GSE1: variants seen among roughly 807,000 people sequenced by gnomAD.
GSE1 encodes the protein Gse1 coiled-coil protein.
A neutral mutation model predicts 112.6 loss-of-function variants in GSE1; 32 were observed. That is an observed-to-expected ratio of 0.28 (90% confidence interval 0.21 to 0.38). The LOEUF is 0.38. GSE1 is among the 10% of genes least tolerant of loss of function. GSE1 has a pLI of 1.00. For synonymous variants in GSE1, 1,115 were observed against 735.6 expected (o/e 1.52, Z -8.35); for missense variants, 2,348 against 1,699.2 (o/e 1.38, Z -6.71).
At chr16:85,383,321 T>A (rs1185676693) in intron 2 of GSE1, among the ~76,000 whole-genome samples, 1 of 149,476 alleles carries the variant, frequency 6.7e-6, no homozygotes, top group African/African-American at 2.5e-5. Context: ...TACACAGTCC[T>A]CAGCACACAC....
chr16:85,667,900 G>GTCCA lies in GSE1; in HGVS notation c.3131-240_3131-239insTCCA, dbSNP rs2053004423. Among the ~76,000 whole-genome samples the GTCCA allele has an allele frequency of 4.6e-5, 7 of 151,602 alleles. No individual in the cohort carries two copies. The South Asian group carries it at 1.3e-3, about 27-fold the overall frequency. ...CTCAGAGATGAATTCCAACAAAAATGGTCCACGTACCAGAATCAACTAGCA... is the reference window on the plus strand; with the variant it reads ...CTCAGAGATGAATTCCAACAAAAATGTCCAGTCCACGTACCAGAATCAACTAGCA... On this transcript the variant is annotated intron_variant, in intron 13 of 15. Transcript: ENST00000253458.
intron 1 of GSE1, among the ~76,000 whole-genome samples, chr16:85,586,512 A>G (rs2046701771): frequency 6.6e-6 from 1 of 152,182 alleles, no homozygotes; most frequent in South Asian, 2.1e-4. Context: ...TTGTTCTTCC[A>G]GGGGCTCCCA....
intron 2 of GSE1, among the ~76,000 whole-genome samples, chr16:85,640,394 A>G (rs1369675146): frequency 2.6e-5 from 4 of 152,206 alleles, no homozygotes; most frequent in African/African-American, 9.7e-5. Flanking sequence ...GACGGGGCCG[A>G]CAGGTGGTGG....
At chr16:85,355,540 C>T (rs2046934670) in intron 1 of GSE1, among the ~76,000 whole-genome samples, 1 of 152,148 alleles carries the variant, frequency 6.6e-6, no homozygotes, top group African/African-American at 2.4e-5. Flanking sequence ...ACGCCGACAG[C>T]CAGGGCTGAG....
intron 1 of GSE1, among the ~76,000 whole-genome samples, chr16:85,318,390 A>G (rs1367588056): frequency 6.6e-6 from 1 of 152,096 alleles, no homozygotes; most frequent in South Asian, 2.1e-4. Flanking sequence ...TCGCCTCCCA[A>G]GTAGCTGGGA....
chr16:85,550,611 G>C (rs2044872605), intron 2 of GSE1, among the ~76,000 whole-genome samples: 1 of 152,122 alleles, frequency 6.6e-6, no homozygotes, highest in Non-Finnish European at 1.5e-5. Flanking sequence ...GGGGCCACCA[G>C]ATGCCAGTGG....
chr16:85,527,563 G>A (rs1005127733), intron 2 of GSE1, among the ~76,000 whole-genome samples: 19 of 152,254 alleles, frequency 1.2e-4, no homozygotes, highest in Admixed American at 2.0e-4. Context: ...TACTTCCTAC[G>A]CACCCGCGCC....
chr16:85,635,275 G>C (rs1418429053), intron 2 of GSE1, among the ~76,000 whole-genome samples: 1 of 152,146 alleles, frequency 6.6e-6, no homozygotes, highest in Non-Finnish European at 1.5e-5. Context: ...AGGCCCGTTG[G>C]GGTCTGGTTT....
At chr16:85,199,649 C>T (rs958921290) in intron 1 of GSE1, among the ~76,000 whole-genome samples, 15 of 152,144 alleles carry the variant, frequency 9.9e-5, no homozygotes, top group African/African-American at 2.4e-4. Flanking sequence ...GCCGGAACAC[C>T]GAGTTTGCAG....
At chr16:85,209,655 C>G (rs2075190388) in intron 1 of GSE1, among the ~76,000 whole-genome samples, 1 of 152,238 alleles carries the variant, frequency 6.6e-6, no homozygotes, top group South Asian at 2.1e-4. Flanking sequence ...CCCGGCTGCT[C>G]AGCCCACATT....
chr16:85,365,052 C>G (rs939972749), intron 2 of GSE1, among the ~76,000 whole-genome samples: 1 of 152,222 alleles, frequency 6.6e-6, no homozygotes, highest in African/African-American at 2.4e-5. Flanking sequence ...GGGCTGGGAG[C>G]TCTCATCTTT....
intron 1 of GSE1, among the ~76,000 whole-genome samples, chr16:85,597,596 A>G (rs2047289415): frequency 6.6e-6 from 1 of 151,968 alleles, no homozygotes; most frequent in Non-Finnish European, 1.5e-5. Flanking sequence ...CAGCCTCCCC[A>G]GTAGCTAGGA....
Position 85,292,416 on chromosome 16 carries a change from C to T in GSE1, c.2284-65047C>T, listed in dbSNP as rs554897736. Among the ~76,000 whole-genome samples the T allele has an allele frequency of 8.5e-4, 129 of 152,052 alleles. 1 individual carries two copies. In the South Asian group the frequency reaches 0.026, roughly 31 times the overall value. The stretch of plus-strand genomic sequence containing the variant: ...CGATCTTGGCTCACTGCAACCTCCG[C>T]CTCCCGGGTTCAAGCGATTCTCCTG... On this transcript the variant is annotated intron_variant, in intron 1 of 2. Coordinates refer to the GSE1 transcript ENST00000637419.
chr16:85,645,072 G>C (rs918819333), intron 2 of GSE1, among the ~76,000 whole-genome samples: 1 of 151,448 alleles, frequency 6.6e-6, no homozygotes, highest in African/African-American at 2.4e-5. Flanking sequence ...CCTGCAGCCA[G>C]CGTTTCCCCT....
At chr16:85,322,462 A>G (rs1186172014) in intron 1 of GSE1, among the ~76,000 whole-genome samples, 1 of 152,098 alleles carries the variant, frequency 6.6e-6, no homozygotes, top group Non-Finnish European at 1.5e-5. Context: ...GAGGTTTGCA[A>G]GCAGTGACCA....
intron 2 of GSE1, among the ~76,000 whole-genome samples, chr16:85,646,914 A>C (rs2050920165): frequency 6.6e-6 from 1 of 151,754 alleles, no homozygotes; most frequent in Admixed American, 6.6e-5. Flanking sequence ...GGGGCTCCGG[A>C]AGCGAGGCTG....
intron 8 of GSE1, chr16:85,659,615 G>C (rs1459980119): frequency 1.3e-5 from 2 of 152,148 alleles, no homozygotes; most frequent in Non-Finnish European, 2.9e-5. Flanking sequence ...ATCAGTAGTG[G>C]GATTGCTCCT....
At chr16:85,384,314 G>A (rs2047636447) in intron 2 of GSE1, among the ~76,000 whole-genome samples, 1 of 152,226 alleles carries the variant, frequency 6.6e-6, no homozygotes, top group Non-Finnish European at 1.5e-5. Context: ...TGGGAGGGCT[G>A]GAGAACCTCC....
chr16:85,637,852 G>A (rs112091158), intron 2 of GSE1, among the ~76,000 whole-genome samples: 2,781 of 152,282 alleles, frequency 0.018, 83 homozygotes, highest in African/African-American at 0.063. Context: ...GCGGGCTAGC[G>A]GCTGAGCTGG....
Sources: allele counts gnomAD v4.1 joint callset (sites outside exome capture counted in the v4.1 genomes callset), GRCh38; gene constraint gnomAD v4.1.1; transcripts MANE v1.5; gene names NCBI Gene and HGNC (gene_info 2026-07-23, HGNC 2026-07-21).